Variants in NAALADL2 observed in about 807,000 individuals in gnomAD.
The protein encoded by NAALADL2 is N-acetylated alpha-linked acidic dipeptidase like 2.
A neutral mutation model predicts 87.2 loss-of-function variants in NAALADL2; 76 were observed. The ratio of observed to expected loss-of-function variants is 0.87; its 90% CI spans 0.72 to 1.05. NAALADL2 has a LOEUF of 1.05. NAALADL2 is among the 50% of genes least tolerant of loss of function. NAALADL2 has a pLI of 0.00. For missense variants in NAALADL2, 1,089 were observed against 945.8 expected, an observed-to-expected ratio of 1.15 and a Z score of -1.99; for synonymous variants, 354 against 331.0, an observed-to-expected ratio of 1.07 and a Z score of -0.75.
At chr3:174,945,616 A>T (rs1739294552) in intron 1 of NAALADL2, among the ~76,000 whole-genome samples, 1 of 152,198 alleles carries the variant, frequency 6.6e-6, no homozygotes, top group Non-Finnish European at 1.5e-5. Context: ...AAGATTGAAT[A>T]AATGACATTT....
At chr3:175,431,184 T>C (rs1183793362) in intron 5 of NAALADL2, among the ~76,000 whole-genome samples, 1 of 152,044 alleles carries the variant, frequency 6.6e-6, no homozygotes, top group African/African-American at 2.4e-5. Flanking sequence ...GCAAACATAC[T>C]GTGAGAAAGT....
intron 4 of NAALADL2, among the ~76,000 whole-genome samples, chr3:175,318,240 G>A (rs1040603310): frequency 6.6e-6 from 1 of 151,984 alleles, no homozygotes; most frequent in African/African-American, 2.4e-5. Flanking sequence ...AAATGAAAAT[G>A]CAGAGTAGCA....
At chr3:174,604,447 A>G (rs1208933402) in intron 2 of NAALADL2, among the ~76,000 whole-genome samples, 3 of 151,970 alleles carry the variant, frequency 2.0e-5, no homozygotes, top group Non-Finnish European at 4.4e-5. Context: ...TTCAGTCTAT[A>G]TGTGTCCTCA....
chr3:175,348,684 C>G (rs1763415768), intron 5 of NAALADL2, among the ~76,000 whole-genome samples: 1 of 152,098 alleles, frequency 6.6e-6, no homozygotes, highest in Admixed American at 6.6e-5. Context: ...GTGACGGTCT[C>G]TATGGTTTTT....
intron 2 of NAALADL2, among the ~76,000 whole-genome samples, chr3:175,206,258 A>ATT (rs1277208350): frequency 1.4e-4 from 13 of 91,846 alleles, no homozygotes; most frequent in African/African-American, 9.1e-4. Flanking sequence ...ATATATATAT[A>ATT]TATATTTTTT....
chr3:174,852,353 T>C (rs1315222641), intron 3 of NAALADL2, among the ~76,000 whole-genome samples: 3 of 152,064 alleles, frequency 2.0e-5, no homozygotes, highest in Non-Finnish European at 2.9e-5. Flanking sequence ...TTAGAACTGA[T>C]AAACAAATTT....
chr3:175,689,146 G>C (rs1346314068), intron 11 of NAALADL2, among the ~76,000 whole-genome samples: 1 of 152,078 alleles, frequency 6.6e-6, no homozygotes, highest in African/African-American at 2.4e-5. Context: ...AGTGAAAAAT[G>C]GCTTTTATTA....
chr3:175,109,251 A>C (rs1723771896), intron 2 of NAALADL2, among the ~76,000 whole-genome samples: 1 of 151,882 alleles, frequency 6.6e-6, no homozygotes, highest in Non-Finnish European at 1.5e-5. Context: ...GTTCTTAATC[A>C]AATTTATATT....
intron 9 of NAALADL2, among the ~76,000 whole-genome samples, chr3:175,511,555 G>A (rs1019023876): frequency 1.1e-4 from 16 of 152,180 alleles, no homozygotes; most frequent in African/African-American, 3.9e-4. Context: ...TGGACGACTA[G>A]TCTCCAAAAC....
At chr3:174,999,791 T>C (rs1560460132) in intron 1 of NAALADL2, among the ~76,000 whole-genome samples, 1 of 152,144 alleles carries the variant, frequency 6.6e-6, no homozygotes, top group African/African-American at 2.4e-5. Flanking sequence ...TTATTAAACT[T>C]CTCAATATTA....
intron 7 of NAALADL2, among the ~76,000 whole-genome samples, chr3:175,465,507 C>CTCTAG (rs528134294): frequency 1.9e-3 from 233 of 123,354 alleles, no homozygotes; most frequent in African/African-American, 7.9e-3. Flanking sequence ...TGGAGTCTTG[C>CTCTAG]TCTATCACGG....
intron 4 of NAALADL2, among the ~76,000 whole-genome samples, chr3:175,314,271 T>C (rs1451318781): frequency 3.3e-5 from 5 of 151,634 alleles, no homozygotes; most frequent in Non-Finnish European, 7.4e-5. Context: ...TGTCTTAGTA[T>C]GGTGCCCTGC....
intron 3 of NAALADL2, among the ~76,000 whole-genome samples, chr3:174,764,345 G>A (rs1409070506): frequency 2.0e-5 from 3 of 152,180 alleles, no homozygotes; most frequent in African/African-American, 7.2e-5. Flanking sequence ...AAGGTGCCGG[G>A]TGCAGTGGCT....
At position 175,481,980 on chromosome 3, in the gene NAALADL2, A is replaced by T. The variant is rs972996764; in HGVS notation, c.1653+10222A>T. Among the ~76,000 whole-genome samples the T allele has an allele frequency of 2.0e-4, 30 of 152,058 alleles. 3 individuals are homozygous for T. Among genetic ancestry groups the T allele is most frequent in the Admixed American group, 1.2e-3 (19 of 15,250 alleles). ...TATATTCAGTGTATCTCCAGAAAAAAATTCATCTTTCAAAAGTTCCAACTC... is the reference window on the plus strand; with the variant it reads ...TATATTCAGTGTATCTCCAGAAAAATATTCATCTTTCAAAAGTTCCAACTC... On this transcript the variant is annotated intron_variant, in intron 9 of 13. Transcript: ENST00000454872.
intron 2 of NAALADL2, among the ~76,000 whole-genome samples, chr3:174,698,978 T>TATATAC (rs1264255838): frequency 6.7e-6 from 1 of 148,360 alleles, no homozygotes; most frequent in African/African-American, 2.6e-5. Flanking sequence ...TATATATATA[T>TATATAC]ACATTTCTTT....
intron 11 of NAALADL2, among the ~76,000 whole-genome samples, chr3:175,709,520 G>A (rs939909417): frequency 2.0e-5 from 3 of 152,060 alleles, no homozygotes; most frequent in South Asian, 2.1e-4. Flanking sequence ...CATTGGTAGC[G>A]CCTGTGAAGA....
At chr3:174,630,109 A>C (rs1160078818) in intron 2 of NAALADL2, among the ~76,000 whole-genome samples, 1 of 152,182 alleles carries the variant, frequency 6.6e-6, no homozygotes, top group Non-Finnish European at 1.5e-5. Flanking sequence ...TTACTAATTT[A>C]AAAACTAAAC....
chr3:175,280,408 A>C (rs79178638), intron 4 of NAALADL2, among the ~76,000 whole-genome samples: 2,458 of 152,230 alleles, frequency 0.016, 63 homozygotes, highest in African/African-American at 0.056. Flanking sequence ...ATATACTCAT[A>C]AAAAAGGTTT....
intron 2 of NAALADL2, among the ~76,000 whole-genome samples, chr3:174,701,454 T>G (rs1216930709): frequency 6.6e-6 from 1 of 152,088 alleles, no homozygotes. Flanking sequence ...ATAGTTTTAT[T>G]TAGGTAAAAC....
Sources: allele counts gnomAD v4.1 joint callset (sites outside exome capture counted in the v4.1 genomes callset), GRCh38; gene constraint gnomAD v4.1.1; transcripts MANE v1.5; gene names NCBI Gene and HGNC (gene_info 2026-07-23, HGNC 2026-07-21).